Variants in VTI1A observed in about 807,000 individuals in gnomAD.
VTI1A encodes the protein vesicle transport through interaction with t-SNAREs 1A.
Under a neutral mutation model 34.9 loss-of-function variants are expected in VTI1A, and 22 were observed. The observed-to-expected ratio is 0.63, with a 90% CI of 0.45 to 0.90. VTI1A has a LOEUF of 0.90. Among genes scored for constraint, VTI1A ranks in the 40% least tolerant of loss-of-function variants. VTI1A has a pLI of 0.00. For synonymous variants in VTI1A, 87 were observed against 97.3 expected, an observed-to-expected ratio of 0.89 and a Z score of 0.62; for missense variants, 268 against 275.6, an observed-to-expected ratio of 0.97 and a Z score of 0.20.
At chr10:112,607,978 T>C (rs1845150400) in intron 5 of VTI1A, among the ~76,000 whole-genome samples, 1 of 152,156 alleles carries the variant, frequency 6.6e-6, no homozygotes, top group African/African-American at 2.4e-5. Context: ...TAACCTAACC[T>C]TGGAATTGAC....
Position 112,808,245 on chromosome 10 carries a change from A to G in VTI1A, c.561-7045A>G, listed in dbSNP as rs75390723. 6.1e-3 allele frequency among the ~76,000 whole-genome samples: 921 copies of G among 152,048 alleles called. 6 individuals carry two copies. The highest frequency in any genetic ancestry group is 0.021 in the African/African-American group (871 of 41,472). On this transcript the variant is annotated intron_variant, in intron 7 of 7. Coordinates refer to ENST00000393077, the MANE Select transcript of VTI1A (RefSeq NM_145206.4). Reference sequence around the variant, plus strand: ...AAAAATAAAAAATAAAAAGGACCCTATTTCCAAATAAGATCACATTCTGAG... The same window carrying G: ...AAAAATAAAAAATAAAAAGGACCCTGTTTCCAAATAAGATCACATTCTGAG...
chr10:112,643,585 C>CT (rs1021130041), intron 5 of VTI1A, among the ~76,000 whole-genome samples: 1 of 151,964 alleles, frequency 6.6e-6, no homozygotes, highest in African/African-American at 2.4e-5. Flanking sequence ...AAAAATTATC[C>CT]TTTTTTTGCT....
At chr10:112,595,810 G>A (rs951002501) in intron 5 of VTI1A, among the ~76,000 whole-genome samples, 7 of 151,880 alleles carry the variant, frequency 4.6e-5, no homozygotes, top group Admixed American at 2.6e-4. Flanking sequence ...TCCCATTACT[G>A]GGTATATACC....
chr10:112,457,465 C>G (rs996117458), intron 1 of VTI1A, among the ~76,000 whole-genome samples: 1 of 152,120 alleles, frequency 6.6e-6, no homozygotes, highest in Non-Finnish European at 1.5e-5. Flanking sequence ...ATTAGGATTA[C>G]ATAAGAGTTA....
At chr10:112,736,867 GT>G (rs1461417071) in intron 7 of VTI1A, 1 of 808,888 alleles carries the variant, frequency 1.2e-6, no homozygotes. Context: ...CGGAAAATGA[GT>G]AGTGAGATGA....
the VTI1A span, among the ~76,000 whole-genome samples, chr10:112,841,397 A>C: frequency 6.6e-6 from 1 of 152,214 alleles, no homozygotes; most frequent in Non-Finnish European, 1.5e-5. Flanking sequence ...TAGTCTTTAT[A>C]TTTTAATAGG....
intron 3 of VTI1A, among the ~76,000 whole-genome samples, chr10:112,466,857 G>A (rs1847913909): frequency 6.6e-6 from 1 of 152,114 alleles, no homozygotes; most frequent in Admixed American, 6.5e-5. Flanking sequence ...TCAAGGTGTT[G>A]GCAGGTGTGG....
chr10:112,707,699 T>G (rs1165017117), intron 7 of VTI1A, among the ~76,000 whole-genome samples: 1 of 152,238 alleles, frequency 6.6e-6, no homozygotes, highest in African/African-American at 2.4e-5. Flanking sequence ...ATACAAATAA[T>G]TGAATGTTTT....
intron 5 of VTI1A, among the ~76,000 whole-genome samples, chr10:112,578,386 A>G (rs1411039053): frequency 6.6e-6 from 1 of 152,194 alleles, no homozygotes; most frequent in Admixed American, 6.5e-5. Context: ...GTTGAGTAAA[A>G]GGTATATATT....
chr10:112,496,584 T>C (rs1318759256), intron 3 of VTI1A, among the ~76,000 whole-genome samples: 1 of 152,000 alleles, frequency 6.6e-6, no homozygotes, highest in African/African-American at 2.4e-5. Flanking sequence ...AAAAAAAAAT[T>C]ATACATGAAG....
At position 112,603,349 on chromosome 10, in the gene VTI1A, G is replaced by A. The variant is rs555655509; in HGVS notation, c.428-64869G>A. ...AAGTCTTTTGATCCTGAGGGTGTGGGGCTGCCCTTGACCATTGATATATAG... is the reference window on the plus strand; with the variant it reads ...AAGTCTTTTGATCCTGAGGGTGTGGAGCTGCCCTTGACCATTGATATATAG... On this transcript the variant is annotated intron_variant, in intron 5 of 7. Coordinates refer to ENST00000393077, the MANE Select transcript of VTI1A (RefSeq NM_145206.4). Among the ~76,000 whole-genome samples, 15 of 152,244 alleles carry A rather than the reference G, an allele frequency of 9.9e-5. No individual in the cohort carries two copies. The South Asian group carries it at 2.5e-3, about 25-fold the overall frequency.
intron 5 of VTI1A, among the ~76,000 whole-genome samples, chr10:112,569,009 T>C (rs1852011992): frequency 6.6e-6 from 1 of 151,710 alleles, no homozygotes; most frequent in African/African-American, 2.4e-5. Flanking sequence ...ACAAAAATCA[T>C]CCGGGTGTGG....
chr10:112,460,502 T>A, intron 1 of VTI1A, 22 bp from the exon 2 acceptor site: 1 of 1,578,278 alleles, frequency 6.3e-7, no homozygotes, highest in Non-Finnish European at 8.6e-7. Context: ...TAGCAATTTC[T>A]TGGTATTATT....
chr10:112,790,932 G>T (rs769593928), intron 7 of VTI1A, among the ~76,000 whole-genome samples: 1 of 152,054 alleles, frequency 6.6e-6, no homozygotes, highest in African/African-American at 2.4e-5. Flanking sequence ...TCATCTTTGC[G>T]GATTTGGGCC....
chr10:112,592,593 G>A (rs1185252258), intron 5 of VTI1A, among the ~76,000 whole-genome samples: 1 of 152,162 alleles, frequency 6.6e-6, no homozygotes, highest in Admixed American at 6.5e-5. Flanking sequence ...CACAGCACTT[G>A]ATCTATCCGT....
intron 7 of VTI1A, among the ~76,000 whole-genome samples, chr10:112,723,158 T>C (rs1849871402): frequency 6.6e-6 from 1 of 152,178 alleles, no homozygotes; most frequent in African/African-American, 2.4e-5. Context: ...ACTCTACATA[T>C]TATGATATTA....
chr10:112,804,910 G>T (rs1332938088), intron 7 of VTI1A, among the ~76,000 whole-genome samples: 1 of 123,688 alleles, frequency 8.1e-6, no homozygotes, highest in East Asian at 2.6e-4. Context: ...TCCCAGACTG[G>T]AATGCAGTCG....
chr10:112,451,431 C>T (rs991817837), intron 1 of VTI1A, among the ~76,000 whole-genome samples: 13 of 152,242 alleles, frequency 8.5e-5, no homozygotes, highest in African/African-American at 3.1e-4. Context: ...TAATTGAACT[C>T]TTAAATCTTA....
chr10:112,614,296 G>A (rs954605859), intron 5 of VTI1A, among the ~76,000 whole-genome samples: 8 of 152,200 alleles, frequency 5.3e-5, no homozygotes, highest in Non-Finnish European at 7.3e-5. Flanking sequence ...TCTTCACAAC[G>A]TGTTGTTTAC....
Sources: allele counts gnomAD v4.1 joint callset (sites outside exome capture counted in the v4.1 genomes callset), GRCh38; gene constraint gnomAD v4.1.1; transcripts MANE v1.5; gene names NCBI Gene and HGNC (gene_info 2026-07-23, HGNC 2026-07-21).